The following PLEKHA7 variants were observed in gnomAD, a reference collection of about 807,000 sequenced individuals.
The protein encoded by PLEKHA7 is pleckstrin homology domain containing A7, also known as pleckstrin homology domain-containing family A member 7.
A neutral mutation model predicts 170.0 loss-of-function variants in PLEKHA7; 104 were observed. The ratio of observed to expected loss-of-function variants is 0.61; its 90% CI spans 0.52 to 0.72. The LOEUF (loss-of-function observed/expected upper bound fraction) is 0.72, where lower values mean the gene tolerates loss of function less well. Among genes scored for constraint, PLEKHA7 ranks in the 30% least tolerant of loss-of-function variants. The pLI is 0.00. For synonymous variants in PLEKHA7, 648 were observed against 660.8 expected (o/e 0.98, Z 0.30); for missense variants, 1,615 against 1,671.7 (o/e 0.97, Z 0.59).
At chr11:16,931,769 A>G (rs1044109190) in intron 3 of PLEKHA7, among the ~76,000 whole-genome samples, 4 of 127,442 alleles carry the variant, frequency 3.1e-5, no homozygotes, top group African/African-American at 1.6e-4. Flanking sequence ...CCCCCCCCCA[A>G]AAAAAAAAAA....
intron 3 of PLEKHA7, among the ~76,000 whole-genome samples, chr11:17,006,913 C>T (rs1865032414): frequency 6.6e-6 from 1 of 152,228 alleles, no homozygotes. Context: ...TCATCCTTCA[C>T]TCTCCAACTC....
intron 3 of PLEKHA7, among the ~76,000 whole-genome samples, chr11:16,900,146 T>C (rs1857240180): frequency 1.3e-5 from 2 of 152,232 alleles, no homozygotes; most frequent in Admixed American, 6.5e-5. Context: ...GAAATCCAGG[T>C]CACACTCCAA....
chr11:16,797,298 C>T (rs1479795032), intron 17 of PLEKHA7, among the ~76,000 whole-genome samples: 2 of 152,006 alleles, frequency 1.3e-5, no homozygotes, highest in Non-Finnish European at 2.9e-5. Flanking sequence ...TGGTCCCACC[C>T]CATGGACTAA....
At chr11:16,987,040 T>C (rs1455111698) in intron 3 of PLEKHA7, among the ~76,000 whole-genome samples, 2 of 152,200 alleles carry the variant, frequency 1.3e-5, no homozygotes, top group Admixed American at 6.5e-5. Flanking sequence ...TGAGCTGTTT[T>C]ACAATCCATC....
chr11:16,954,433 T>A (rs1478634886), intron 3 of PLEKHA7, among the ~76,000 whole-genome samples: 1 of 151,604 alleles, frequency 6.6e-6, no homozygotes, highest in African/African-American at 2.4e-5. Context: ...ACTCAGGAGG[T>A]TGAGACAGGA....
At chr11:16,936,984 C>T (rs889510123) in intron 3 of PLEKHA7, among the ~76,000 whole-genome samples, 9 of 152,252 alleles carry the variant, frequency 5.9e-5, no homozygotes, top group African/African-American at 1.9e-4. Context: ...GTTTCCCTCC[C>T]CCTGAGCCTC....
At position 16,817,781 on chromosome 11, in the gene PLEKHA7, A is replaced by T. The variant is rs1849886807; in HGVS notation, c.1344-459T>A. Reference sequence around the variant, plus strand: ...TTTTCTGGACTCTTCTAGTCCAGATACTGATTAATTATCTCCCTCCAGACA... The same window carrying T: ...TTTTCTGGACTCTTCTAGTCCAGATTCTGATTAATTATCTCCCTCCAGACA... On this transcript the variant is annotated intron_variant, in intron 10 of 26. Transcript: ENST00000531066. This position sits in a 1 kb window ranked among gnomAD's most constrained non-coding sequence, Gnocchi z 4.4. Among the ~76,000 whole-genome samples, 1 of 152,170 alleles carries T rather than the reference A, an allele frequency of 6.6e-6. No homozygotes were observed. Among genetic ancestry groups the T allele is most frequent in the Non-Finnish European group, 1.5e-5 (1 of 68,034 alleles).
chr11:16,850,517 A>G (rs1250496597), intron 8 of PLEKHA7, among the ~76,000 whole-genome samples: 1 of 152,242 alleles, frequency 6.6e-6, no homozygotes, highest in African/African-American at 2.4e-5. Flanking sequence ...CCAATGGAGA[A>G]GACCTCAGGA....
chr11:16,886,137 G>C (rs548898982), intron 3 of PLEKHA7, among the ~76,000 whole-genome samples: 1 of 152,286 alleles, frequency 6.6e-6, no homozygotes, highest in South Asian at 2.1e-4. Context: ...GGTACCAGTG[G>C]ATGCAGCCCT....
At chr11:16,954,058 T>A (rs1472379805) in intron 3 of PLEKHA7, among the ~76,000 whole-genome samples, 1 of 152,180 alleles carries the variant, frequency 6.6e-6, no homozygotes, top group East Asian at 1.9e-4. Flanking sequence ...GCTTCACTGG[T>A]TGAGAAGCAA....
Position 16,786,338 on chromosome 11 carries a change from T to G in PLEKHA7, c.3407A>C (p.Gln1136Pro). Reference protein sequence around the residue: ...FDLQLLERVVQGEKKDKEENG... With the variant: ...FDLQLLERVVPGEKKDKEENG... The stretch of plus-strand genomic sequence containing the variant: ...CTCCTCCTTGTCCTTTTTTTCCCCT[T>G]GCACGACCCGTTCCAGCAACTGCAG... The change falls in exon 24 of 27, where the codon CAA becomes CCA. Residue 1136 changes from glutamine to proline, a missense_variant. Gln to Pro is a moderately conservative substitution (Grantham distance 76). Transcript: ENST00000531066. 2.0e-6 allele frequency: 3 copies of G among 1,536,164 alleles called. No individual in the cohort carries two copies. The highest frequency in any genetic ancestry group is 2.6e-6 in the Non-Finnish European group (3 of 1,146,916).
At chr11:16,839,628 A>C (rs1002315732) in intron 9 of PLEKHA7, among the ~76,000 whole-genome samples, 1 of 152,078 alleles carries the variant, frequency 6.6e-6, no homozygotes, top group African/African-American at 2.4e-5. Context: ...TTTTCTTGTC[A>C]TTATTGCCTA....
intron 26 of PLEKHA7, 81 bp from the exon 27 acceptor site, chr11:16,779,101 T>G (rs1270308912): frequency 1.4e-6 from 1 of 699,812 alleles, no homozygotes; most frequent in African/African-American, 1.7e-5. Flanking sequence ...GAATGGCAGA[T>G]AGGCGGACAG....
chr11:16,912,125 G>A (rs1170524921), intron 3 of PLEKHA7, among the ~76,000 whole-genome samples: 2 of 152,204 alleles, frequency 1.3e-5, no homozygotes, highest in Non-Finnish European at 2.9e-5. Flanking sequence ...TTCCCATAAA[G>A]GGAAACTGCT....
At chr11:16,987,251 C>T (rs1590792265) in intron 3 of PLEKHA7, among the ~76,000 whole-genome samples, 1 of 148,084 alleles carries the variant, frequency 6.8e-6, no homozygotes, top group Non-Finnish European at 1.5e-5. Flanking sequence ...TCCCCGACCT[C>T]CCATCCCCCA....
intron 3 of PLEKHA7, among the ~76,000 whole-genome samples, chr11:16,906,345 T>TCCC (rs1565098664): frequency 1.2e-5 from 1 of 86,654 alleles, no homozygotes; most frequent in African/African-American, 6.2e-5. Flanking sequence ...TCTCCCTCTC[T>TCCC]TTCCACGGTC....
At chr11:16,927,509 C>T (rs1051991076) in intron 3 of PLEKHA7, among the ~76,000 whole-genome samples, 10 of 152,234 alleles carry the variant, frequency 6.6e-5, no homozygotes. Context: ...CATCTCTAGC[C>T]TCGTTTCATG....
chr11:16,800,895 C>G (rs369204326), intron 17 of PLEKHA7, 79 bp downstream of exon 17: 9 of 1,224,908 alleles, frequency 7.3e-6, no homozygotes, highest in East Asian at 4.7e-5. Context: ...ACAACCCCCA[C>G]AGGTGAAGTC....
At chr11:16,976,718 T>C (rs1863088246) in intron 3 of PLEKHA7, among the ~76,000 whole-genome samples, 1 of 152,246 alleles carries the variant, frequency 6.6e-6, no homozygotes, top group Non-Finnish European at 1.5e-5. Context: ...ACAACCAAGC[T>C]ATGGAACAAA....
Sources: gnomAD v4.1 joint callset for allele counts (sites outside exome capture counted in the v4.1 genomes callset) on GRCh38, gnomAD v4.1.1 for gene constraint, Gnocchi (gnomAD v3.1) non-coding constraint, MANE v1.5 for transcripts, NCBI Gene and HGNC (gene_info 2026-07-23, HGNC 2026-07-21) for gene names.